Variants in CSGALNACT1 observed in about 807,000 individuals in gnomAD.
CSGALNACT1 encodes beta4GalNAcT-1.
CSGALNACT1 carries 52 observed loss-of-function variants against 51.0 expected under a neutral mutation model. The ratio of observed to expected loss-of-function variants is 1.02; its 90% confidence interval spans 0.82 to 1.29. The LOEUF (loss-of-function observed/expected upper bound fraction) is 1.29. CSGALNACT1 is among the 50% of genes most tolerant of loss of function. The pLI, the probability that CSGALNACT1 is intolerant of heterozygous loss-of-function variation, is 0.00. For synonymous variants in CSGALNACT1, 341 were observed against 254.4 expected (o/e 1.34, Z -3.24); for missense variants, 935 against 679.2 (o/e 1.38, Z -4.19).
intron 1 of CSGALNACT1, among the ~76,000 whole-genome samples, chr8:19,630,439 A>G (rs1445672831): frequency 1.3e-5 from 2 of 152,030 alleles, no homozygotes; most frequent in Non-Finnish European, 2.9e-5. Context: ...TATTAACATC[A>G]TGCATTGGTG....
chr8:19,658,058 C>CG (rs2058438002), intron 1 of CSGALNACT1, among the ~76,000 whole-genome samples: 1 of 63,738 alleles, frequency 1.6e-5, no homozygotes, highest in Non-Finnish European at 2.9e-5. Flanking sequence ...TCTCACCCTC[C>CG]TTCCAAAAAA....
chr8:19,637,185 G>A (rs1450382723), intron 1 of CSGALNACT1, among the ~76,000 whole-genome samples: 5 of 152,106 alleles, frequency 3.3e-5, no homozygotes, highest in South Asian at 2.1e-4. Flanking sequence ...CAGCCTGGGC[G>A]ATAGAGACTC....
intron 2 of CSGALNACT1, among the ~76,000 whole-genome samples, chr8:19,595,606 A>C (rs1295823647): frequency 6.6e-6 from 1 of 152,012 alleles, no homozygotes; most frequent in South Asian, 2.1e-4. Flanking sequence ...CTATATGATC[A>C]TATTTGTAAT....
chr8:19,457,195 C>T (rs578115834), intron 5 of CSGALNACT1, among the ~76,000 whole-genome samples: 1 of 152,334 alleles, frequency 6.6e-6, no homozygotes, highest in East Asian at 1.9e-4. Context: ...CTTCAAAAAA[C>T]TTAGTTATAA....
At chr8:19,429,524 T>C (rs1012350260) in intron 6 of CSGALNACT1, among the ~76,000 whole-genome samples, 1 of 152,238 alleles carries the variant, frequency 6.6e-6, no homozygotes, top group Non-Finnish European at 1.5e-5. Context: ...CACAATGTTT[T>C]TGAGGTTCAT....
At chr8:19,485,430 G>A (rs2072635134) in intron 4 of CSGALNACT1, among the ~76,000 whole-genome samples, 3 of 151,988 alleles carry the variant, frequency 2.0e-5, no homozygotes, top group African/African-American at 4.8e-5. Context: ...AACAGACCCC[G>A]TCTTGGCCAA....
chr8:19,647,895 T>C (rs1035977588), intron 1 of CSGALNACT1, among the ~76,000 whole-genome samples: 8 of 152,132 alleles, frequency 5.3e-5, no homozygotes, highest in Non-Finnish European at 8.8e-5. Flanking sequence ...AATGAGACAT[T>C]TGAATAAAAG....
chr8:19,519,033 A>G (rs1415301709), intron 3 of CSGALNACT1, among the ~76,000 whole-genome samples: 1 of 152,216 alleles, frequency 6.6e-6, no homozygotes, highest in Non-Finnish European at 1.5e-5. Flanking sequence ...ATATTTACCC[A>G]ATGCCTTGAC....
rs575415132 is a variant in CSGALNACT1 at position 19,599,023 on chromosome 8, G to A, written c.-416+2748C>T. Among the ~76,000 whole-genome samples the A allele has an allele frequency of 1.9e-4, 29 of 152,298 alleles. No homozygotes were observed. The South Asian group carries it at 6.0e-3, about 32-fold the overall frequency. ...TGATGAGAAGAAAGTATGCTAGGTA[G>A]AGAGAGTGTGGACACCAACACAGCT... On this transcript the variant is annotated intron_variant, in intron 2 of 9. Transcript: ENST00000454498.
intron 3 of CSGALNACT1, among the ~76,000 whole-genome samples, chr8:19,564,585 C>T (rs1288974456): frequency 6.6e-6 from 1 of 152,056 alleles, no homozygotes; most frequent in African/African-American, 2.4e-5. Flanking sequence ...GCCTTGGGGA[C>T]CTGGAAGAGC....
intron 1 of CSGALNACT1, among the ~76,000 whole-genome samples, chr8:19,728,472 C>T (rs894398895): frequency 1.7e-4 from 26 of 152,300 alleles, no homozygotes; most frequent in African/African-American, 6.3e-4. Flanking sequence ...CTTCAACTCA[C>T]TGGTGTGAGC....
intron 3 of CSGALNACT1, among the ~76,000 whole-genome samples, chr8:19,540,196 T>A (rs188473011): frequency 6.6e-6 from 1 of 152,236 alleles, no homozygotes; most frequent in Non-Finnish European, 1.5e-5. Flanking sequence ...GCTTCCAAAA[T>A]AGTCTAATGA....
At chr8:19,738,103 G>A (rs1013317611) in intron 1 of CSGALNACT1, among the ~76,000 whole-genome samples, 1 of 152,172 alleles carries the variant, frequency 6.6e-6, no homozygotes, top group Non-Finnish European at 1.5e-5. Context: ...GTTTGCACCT[G>A]TAATTCTCAG....
At chr8:19,662,891 C>T (rs2154191814) in intron 1 of CSGALNACT1, among the ~76,000 whole-genome samples, 1 of 152,310 alleles carries the variant, frequency 6.6e-6, no homozygotes, top group African/African-American at 2.4e-5. Flanking sequence ...TACTCTGAGC[C>T]TTCAACCACT....
chr8:19,487,517 G>A (rs764798968), intron 4 of CSGALNACT1, among the ~76,000 whole-genome samples: 4 of 152,030 alleles, frequency 2.6e-5, no homozygotes, highest in Non-Finnish European at 5.9e-5. Flanking sequence ...GAATCTAATC[G>A]CTATTAACAT....
intron 1 of CSGALNACT1, among the ~76,000 whole-genome samples, chr8:19,658,501 A>C (rs887193422): frequency 1.3e-5 from 2 of 152,200 alleles, no homozygotes; most frequent in Admixed American, 6.5e-5. Context: ...TGGCAGGCCA[A>C]GGCAGGTGGA....
At chr8:19,447,407 T>C (rs372286516) in intron 5 of CSGALNACT1, among the ~76,000 whole-genome samples, 29 of 152,144 alleles carry the variant, frequency 1.9e-4, no homozygotes, top group East Asian at 5.8e-4. Context: ...ACCAGACAGA[T>C]AGAATGGGCA....
intron 6 of CSGALNACT1, among the ~76,000 whole-genome samples, chr8:19,424,019 C>G (rs906201575): frequency 6.6e-6 from 1 of 152,200 alleles, no homozygotes; most frequent in African/African-American, 2.4e-5. Flanking sequence ...ACGCAGGACT[C>G]TGCCCTGATC....
chr8:19,506,685 C>T (rs1046978384), intron 3 of CSGALNACT1, among the ~76,000 whole-genome samples: 2 of 152,232 alleles, frequency 1.3e-5, no homozygotes, highest in African/African-American at 4.8e-5. Context: ...GCACTCTTAG[C>T]TCCCATGAGA....
Sources: gnomAD v4.1 joint callset for allele counts (sites outside exome capture counted in the v4.1 genomes callset) on GRCh38, gnomAD v4.1.1 for gene constraint, MANE v1.5 for transcripts, NCBI Gene and HGNC (gene_info 2026-07-23, HGNC 2026-07-21) for gene names.